Variants in QRICH2 observed in about 807,000 individuals in gnomAD.
QRICH2 encodes glutamine rich 2, also known as glutamine-rich protein 2.
QRICH2 carries 119 observed loss-of-function variants against 168.3 expected under a neutral mutation model. The ratio of observed to expected loss-of-function variants is 0.71; its 90% CI spans 0.61 to 0.82. QRICH2 has a LOEUF of 0.82. Ranked by LOEUF, QRICH2 falls within the 40% of genes least tolerant of loss-of-function variation. QRICH2 has a pLI of 0.00. For synonymous variants in QRICH2, 894 were observed against 951.2 expected (o/e 0.94, Z 1.11); for missense variants, 2,241 against 2,491.6 (o/e 0.90, Z 2.14).
In QRICH2 at chr17:76,291,984, C is replaced by T. The variant is rs530999228; in HGVS notation, c.2743G>A (p.Gly915Arg). The change falls in exon 4 of 19, where the codon GGA becomes AGA. Residue 915 changes from glycine to arginine, a missense_variant. Physicochemically the swap from Gly to Arg is moderately radical, Grantham distance 125. Around this residue, in one of 3 missense-constraint regions of QRICH2, gnomAD observed 2,047 missense variants for 2,303.8 expected, o/e 0.89. Coordinates refer to ENST00000680821, the MANE Select transcript of QRICH2 (RefSeq NM_001388453.1). ...GAGQLGMVQPGIGQQGMVQPQ... is the reference protein window; with the variant it reads ...GAGQLGMVQPRIGQQGMVQPQ... ...TGCACCATACCTTGCTGACCTATTC[C>T]AGGCTGCACCATACCCAGCTGACCT... The T allele has an allele frequency of 6.2e-7, 1 of 1,614,102 alleles. No homozygotes were observed. The highest frequency in any genetic ancestry group is 1.3e-5 in the African/African-American group (1 of 75,058).
chr17:76,276,724 T>C lies in QRICH2; in HGVS notation c.5309A>G (p.Lys1770Arg), dbSNP rs757126319. The change falls in exon 17 of 19, where the codon AAG (lysine) becomes AGG (arginine). Residue 1770 changes from lysine (K) to arginine (R), a missense_variant. Coordinates refer to ENST00000680821, the MANE Select transcript of QRICH2 (RefSeq NM_001388453.1). ...TGGCAGCCTTGTGTCCATCCGTCCCTTGTAAATGTGGCCATCCAGGCCCAA... is the reference window on the plus strand; with the variant it reads ...TGGCAGCCTTGTGTCCATCCGTCCCCTGTAAATGTGGCCATCCAGGCCCAA... Reference protein sequence around the residue: ...DILGLDGHIYKGRMDTRLPGI... With the variant: ...DILGLDGHIYRGRMDTRLPGI... 12 of 1,613,722 alleles carry C rather than the reference T, an allele frequency of 7.4e-6. No homozygotes were observed. The highest frequency in any genetic ancestry group is 1.0e-5 in the Non-Finnish European group (12 of 1,179,970).
At chr17:76,276,071 C>T in intron 17 of QRICH2, 124 bp from the exon 18 acceptor site, 2 of 1,158,884 alleles carry the variant, frequency 1.7e-6, no homozygotes, top group South Asian at 2.9e-5. Context: ...GAGTGGGGTC[C>T]TCGTCATTCT....
At chr17:76,304,095 A>G (rs2070950408) in intron 3 of QRICH2, among the ~76,000 whole-genome samples, 1 of 152,088 alleles carries the variant, frequency 6.6e-6, no homozygotes, top group South Asian at 2.1e-4. Context: ...TTGGGTACCA[A>G]CCATACAGCG....
At chr17:76,276,650 G>T in intron 17 of QRICH2, 30 bp downstream of exon 17, 2 of 1,576,594 alleles carry the variant, frequency 1.3e-6, no homozygotes, top group Non-Finnish European at 1.7e-6. Flanking sequence ...ACCCACGTGA[G>T]GTGCCTGGGG....
rs1205858780 is a variant in QRICH2, at chr17:76,275,879, T to C, written c.5422A>G (p.Ser1808Gly). The C allele has an allele frequency of 6.2e-7, 1 of 1,608,858 alleles. No individual in the cohort carries two copies. The highest frequency in any genetic ancestry group is 1.1e-5 in the South Asian group (1 of 91,072). Residue 1808 changes from serine to glycine, a missense_variant, in exon 18 of 19, where the codon AGC (serine) becomes GGC (glycine). Physicochemically the swap from Ser to Gly is moderately conservative, Grantham distance 56. Coordinates refer to ENST00000680821, the MANE Select transcript of QRICH2 (RefSeq NM_001388453.1). The part of the protein sequence containing the change: ...PHVHRPPSLS[S>G]NGQLPSRPQS... ...GGCCGAGAGGGCAGCTGGCCATTGCTGCTGAGGGATGGCGGCCTGTGCACG... is the reference window on the plus strand; with the variant it reads ...GGCCGAGAGGGCAGCTGGCCATTGCCGCTGAGGGATGGCGGCCTGTGCACG...
rs755596253 is a variant in QRICH2 at position 76,291,647 on chromosome 17, G to C, written c.3080C>G (p.Ala1027Gly). The C allele has an allele frequency of 4.3e-6, 7 of 1,614,004 alleles. No individual in the cohort carries two copies. Among genetic ancestry groups the C allele is most frequent in the Non-Finnish European group, 5.9e-6 (7 of 1,180,022 alleles). The change falls in exon 4 of 19, where the codon GCC (alanine) becomes GGC (glycine). Residue 1027 changes from alanine to glycine, a missense_variant. This residue lies in a region of QRICH2 where 2,047 missense variants were observed against 2,303.8 expected (regional missense o/e 0.89). Coordinates refer to ENST00000680821, the MANE Select transcript of QRICH2 (RefSeq NM_001388453.1). Reference sequence around the variant, plus strand: ...ACCAGGTGATGCCAAACCTTGACTGGCTAGGAGTGGTGACACCTGGCCGTA... The same window carrying C: ...ACCAGGTGATGCCAAACCTTGACTGCCTAGGAGTGGTGACACCTGGCCGTA... Reference protein sequence around the residue: ...EQYGQVSPLLASQGLASPGID... With the variant: ...EQYGQVSPLLGSQGLASPGID...
Position 76,291,723 on chromosome 17 carries a change from T to G in QRICH2, c.3004A>C (p.Ile1002Leu). 6.2e-7 allele frequency: 1 copy of G among 1,614,182 alleles called. No homozygotes were observed. The highest frequency in any genetic ancestry group is 8.5e-7 in the Non-Finnish European group (1 of 1,180,038). Residue 1002 changes from isoleucine (I) to leucine (L), a missense_variant, in exon 4 of 19, where the codon ATA becomes CTA. By Grantham distance (5) the Ile-to-Leu change is conservative. Transcript: ENST00000680821. Reference protein sequence around the residue: ...STFQADSTGFISVRPYQHGMV... With the variant: ...STFQADSTGFLSVRPYQHGMV... ...CCATGTTGATATGGACGTACTGATATAAAACCTGTAGAATCTGCCTGGAAT... is the reference window on the plus strand; with the variant it reads ...CCATGTTGATATGGACGTACTGATAGAAAACCTGTAGAATCTGCCTGGAAT...
intron 15 of QRICH2, 89 bp downstream of exon 15, chr17:76,277,900 G>C (rs2070716337): frequency 4.3e-6 from 6 of 1,398,332 alleles, no homozygotes; most frequent in Non-Finnish European, 6.0e-6. Flanking sequence ...CCAGCAGTGG[G>C]GCAAGGCATT....
Position 76,278,625 on chromosome 17 carries a change from G to A in QRICH2, c.4916+416C>T, listed in dbSNP as rs541341586. The stretch of plus-strand genomic sequence containing the variant: ...CCGGAGGGAGCATGAGATGCCCACC[G>A]CCAGCCTCCTTCGTTGGCTGAGCCC... On this transcript the variant is annotated intron_variant, in intron 14 of 18. Coordinates refer to ENST00000680821, the MANE Select transcript of QRICH2 (RefSeq NM_001388453.1). Among the ~76,000 whole-genome samples the A allele has an allele frequency of 2.0e-5, 3 of 152,224 alleles. No individual in the cohort carries two copies. The South Asian group carries it at 6.2e-4, about 31-fold the overall frequency.
intron 3 of QRICH2, among the ~76,000 whole-genome samples, chr17:76,297,776 T>C (rs1298016628): frequency 2.6e-5 from 4 of 151,536 alleles, no homozygotes; most frequent in Non-Finnish European, 4.4e-5. Flanking sequence ...TGGAGTGCAG[T>C]GGCATGATCA....
intron 7 of QRICH2, among the ~76,000 whole-genome samples, chr17:76,282,587 C>T (rs879610788): frequency 2.6e-5 from 4 of 152,194 alleles, no homozygotes; most frequent in Admixed American, 6.5e-5. Context: ...AAATAACTCA[C>T]GATACAGGAA....
At position 76,304,512 on chromosome 17, in the gene QRICH2, C is replaced by T. The variant is rs540116192; in HGVS notation, c.608G>A (p.Arg203Gln). ...DREQFLELVS[R>Q]KLSLVPGAEE... is the part of the protein sequence containing the mutation. ...TGCACCAGGAACCAAACTCAGCTTCCGGCTGACTAGTTCCTGACAGTGACA... is the reference window on the plus strand; with the variant it reads ...TGCACCAGGAACCAAACTCAGCTTCTGGCTGACTAGTTCCTGACAGTGACA... The change falls in exon 3 of 19, where the codon CGG becomes CAG. Residue 203 changes from arginine (R) to glutamine (Q), a missense_variant. By Grantham distance (43) the Arg-to-Gln change is conservative. This residue lies in a region of QRICH2 where 2,047 missense variants were observed against 2,303.8 expected (regional missense o/e 0.89). Coordinates refer to ENST00000680821, the MANE Select transcript of QRICH2 (RefSeq NM_001388453.1). 2.2e-5 allele frequency: 35 copies of T among 1,611,946 alleles called. No homozygotes were observed. The highest frequency in any genetic ancestry group is 4.5e-5 in the East Asian group (2 of 44,868).
chr17:76,302,395 T>A (rs970117333), intron 3 of QRICH2, among the ~76,000 whole-genome samples: 1 of 149,982 alleles, frequency 6.7e-6, no homozygotes, highest in African/African-American at 2.4e-5. Flanking sequence ...TTAGTCACTA[T>A]GGTGTGCTGA....
rs8068457 is a variant in QRICH2 at position 76,304,835 on chromosome 17, G to A, written c.594+47C>T. 7.5e-3 allele frequency: 10,358 copies of A among 1,383,376 alleles called. 61 individuals are homozygous for A. Among genetic ancestry groups the A allele is most frequent in the Non-Finnish European group, 9.4e-3 (9,167 of 970,268 alleles). The allele number at this position is 1,383,376 out of a possible 1,614,324, so 85.7% of individuals were successfully genotyped here. ...TGGAGAGAGGGCCACACTGAGAGAC[G>A]GCCAGCCCCCTGGAGAGCCCTTTCC... On this transcript the variant is annotated intron_variant, in intron 2 of 18. Transcript: ENST00000680821.
intron 15 of QRICH2, 49 bp downstream of exon 15, chr17:76,277,940 C>T (rs1406153129): frequency 1.3e-6 from 2 of 1,589,368 alleles, no homozygotes; most frequent in Middle Eastern, 1.7e-4. Context: ...AGAAGCCAAG[C>T]CTGGTCACTG....
intron 14 of QRICH2, 113 bp from the exon 15 acceptor site, chr17:76,278,302 G>A (rs917195503): frequency 1.3e-5 from 13 of 1,011,180 alleles, no homozygotes; most frequent in Non-Finnish European, 1.6e-5. Flanking sequence ...CAGCTAGGCT[G>A]GGGGTCGCTG....
chr17:76,306,805 T>C (rs2070997575), intron 1 of QRICH2, among the ~76,000 whole-genome samples: 5 of 151,746 alleles, frequency 3.3e-5, no homozygotes, highest in Admixed American at 3.3e-4. Flanking sequence ...GAGAATCGCT[T>C]GAGTCTGGGA....
chr17:76,277,408 G>GCC, intron 15 of QRICH2, 98 bp from the exon 16 acceptor site: 1 of 1,406,170 alleles, frequency 7.1e-7, no homozygotes, highest in Non-Finnish European at 9.8e-7. Context: ...AAGGGGCACA[G>GCC]CTTCTCTTCG....
chr17:76,308,226 G>A lies in QRICH2; in HGVS notation c.-228C>T. 1 of 985,412 alleles carries A rather than the reference G, an allele frequency of 1.0e-6. No homozygotes were observed. Among genetic ancestry groups the A allele is most frequent in the African/African-American group, 1.7e-5 (1 of 57,374 alleles). 61.0% of individuals were successfully genotyped at this position (985,412 alleles called of 1,614,324 possible). On this transcript the variant is annotated 5_prime_UTR_variant, in exon 1 of 19. Transcript: ENST00000680821. Reference sequence around the variant, plus strand: ...CCTCCGCTGTCTGTCGCTGGCCTCGGGTCCCCGAGCTGGAGCCCTGGACTC... The same window carrying A: ...CCTCCGCTGTCTGTCGCTGGCCTCGAGTCCCCGAGCTGGAGCCCTGGACTC...
Sources: allele counts gnomAD v4.1 joint callset (sites outside exome capture counted in the v4.1 genomes callset), GRCh38; gene constraint gnomAD v4.1.1; regional missense constraint gnomAD v4.1.1; transcripts MANE v1.5; gene names NCBI Gene and HGNC (gene_info 2026-07-23, HGNC 2026-07-21).